The following F11 variants were observed in gnomAD, a reference collection of about 807,000 sequenced individuals.
The protein encoded by F11 is coagulation factor XI.
A neutral mutation model predicts 76.5 loss-of-function variants in F11; 78 were observed. The observed-to-expected ratio is 1.02, with a 90% CI of 0.85 to 1.23. The LOEUF is 1.23. Among genes scored for constraint, F11 ranks in the 50% most tolerant of loss-of-function variants. F11 has a pLI of 0.00. For missense variants in F11, 742 were observed against 771.4 expected (o/e 0.96, Z 0.45); for synonymous variants, 278 against 276.3 (o/e 1.01, Z -0.06).
In F11 at chr4:186,271,620, C is replaced by T. The variant is rs768409400; in HGVS notation, c.67C>T (p.Gln23Ter). Residue 23 changes from glutamine to a stop codon, truncating the protein, a stop_gained, in exon 3 of 15, where the codon CAG becomes TAG. Transcript: ENST00000403665. LOFTEE classifies it high-confidence loss of function. ...FTSVSGECVT[Q>*]LLKDTCFEGG... is the part of the protein sequence containing the mutation. ...GTACTACATCACAGAATGTGTGACT[C>T]AGTTGTTGAAGGACACCTGCTTTGA... The T allele has an allele frequency of 7.4e-6, 12 of 1,614,028 alleles. No individual in the cohort carries two copies. The highest frequency in any genetic ancestry group is 1.0e-5 in the Non-Finnish European group (12 of 1,180,026).
At chr4:186,276,132 A>G in intron 6 of F11, 99 bp from the exon 7 acceptor site, 1 of 1,373,852 alleles carries the variant, frequency 7.3e-7, no homozygotes, top group Non-Finnish European at 1.0e-6. Context: ...ATCTTGGGAT[A>G]CACTTAAATT....
At chr4:186,266,767 A>G (rs1207978063) in intron 1 of F11, among the ~76,000 whole-genome samples, 2 of 152,194 alleles carry the variant, frequency 1.3e-5, no homozygotes, top group Non-Finnish European at 2.9e-5. Flanking sequence ...AAAGAAAGAA[A>G]GGAAAAAAAT....
chr4:186,270,798 A>C (rs1004618190), intron 2 of F11, among the ~76,000 whole-genome samples: 1 of 151,502 alleles, frequency 6.6e-6, no homozygotes, highest in Admixed American at 6.6e-5. Context: ...GGCTCAGGAG[A>C]TCCTCCTACC....
At chr4:186,286,642 T>C (rs1741228355) in intron 13 of F11, 132 bp downstream of exon 13, 2 of 1,502,150 alleles carry the variant, frequency 1.3e-6, no homozygotes, top group Non-Finnish European at 8.9e-7. Context: ...TTAATAAAGA[T>C]GGAGAGGCAA....
chr4:186,285,151 T>C (rs994232346), intron 11 of F11, among the ~76,000 whole-genome samples: 1 of 152,154 alleles, frequency 6.6e-6, no homozygotes, highest in African/African-American at 2.4e-5. Context: ...GTGTGCTTTT[T>C]AGTTTTGGTT....
intron 10 of F11, among the ~76,000 whole-genome samples, chr4:186,280,988 C>T (rs2126761969): frequency 6.6e-6 from 1 of 151,810 alleles, no homozygotes. Context: ...CCTTAGCTCC[C>T]TGAGTAGCTG....
At chr4:186,278,791 T>C (rs917765226) in intron 7 of F11, among the ~76,000 whole-genome samples, 1 of 152,174 alleles carries the variant, frequency 6.6e-6, no homozygotes, top group African/African-American at 2.4e-5. Flanking sequence ...TGTGTTTAGG[T>C]GTCACCAATA....
chr4:186,274,634 A>G (rs1240808680), intron 5 of F11: 2 of 298,554 alleles, frequency 6.7e-6, no homozygotes, highest in Non-Finnish European at 1.3e-5. Flanking sequence ...ATAAAAACCT[A>G]CTCTCTCTCT....
chr4:186,273,697 C>T (rs1357586455), intron 4 of F11, among the ~76,000 whole-genome samples: 7 of 152,186 alleles, frequency 4.6e-5, no homozygotes, highest in African/African-American at 1.7e-4. Flanking sequence ...AAGTGATCTG[C>T]CCGCCTCGGC....
Position 186,271,784 on chromosome 4 carries a change from G to T in F11, c.218+13G>T. ...ATCCCACCCGATGGTAAATGCTTATGTTTCTACATCGAGGAGACAGATTTT... is the reference window on the plus strand; with the variant it reads ...ATCCCACCCGATGGTAAATGCTTATTTTTCTACATCGAGGAGACAGATTTT... On this transcript the variant is annotated intron_variant, in intron 3 of 14. Transcript: ENST00000403665. The T allele has an allele frequency of 6.2e-7, 1 of 1,614,056 alleles. No individual in the cohort carries two copies. Among genetic ancestry groups the T allele is most frequent in the Non-Finnish European group, 8.5e-7 (1 of 1,179,926 alleles).
intron 6 of F11, 90 bp from the exon 7 acceptor site, chr4:186,276,141 T>A: frequency 6.7e-7 from 1 of 1,481,746 alleles, no homozygotes; most frequent in African/African-American, 1.4e-5. Flanking sequence ...TACACTTAAA[T>A]TTTTTAATAT....
Position 186,288,691 on chromosome 4 carries a change from G to A in F11, c.*77G>A. 1.3e-6 allele frequency: 2 copies of A among 1,486,846 alleles called. No individual in the cohort carries two copies. Among genetic ancestry groups the A allele is most frequent in the South Asian group, 2.4e-5 (2 of 83,746 alleles). 92.1% of individuals were successfully genotyped at this position (1,486,846 alleles called of 1,614,324 possible). ...AGAGGGTGTTGAGTTCACTGTGCCA[G>A]CATGCTTCCTCCACAGTAACACGCT... On this transcript the variant is annotated 3_prime_UTR_variant, in exon 15 of 15. Coordinates refer to ENST00000403665, the MANE Select transcript of F11 (RefSeq NM_000128.4).
At chr4:186,278,457 T>C (rs1485251992) in intron 7 of F11, among the ~76,000 whole-genome samples, 1 of 152,210 alleles carries the variant, frequency 6.6e-6, no homozygotes, top group Admixed American at 6.5e-5. Flanking sequence ...GGGGATACCA[T>C]TTAGTGAACT....
intron 10 of F11, chr4:186,283,055 T>G (rs1031040194): frequency 8.1e-6 from 8 of 984,958 alleles, no homozygotes; most frequent in Non-Finnish European, 9.6e-6. Flanking sequence ...AGCCTGGTTA[T>G]TCTAAATGTG....
rs540939633 is a variant in F11, at chr4:186,283,048, C to T, written c.1136-1044C>T. 7.1e-6 allele frequency: 7 copies of T among 985,178 alleles called. No individual in the cohort carries two copies. In the South Asian group the frequency reaches 2.8e-4, roughly 40 times the overall value. 61.0% of individuals were successfully genotyped at this position (985,178 alleles called of 1,614,324 possible). A position where few individuals can be genotyped will look rare whatever the true frequency, so the allele number is the denominator to read the frequency against. Reference sequence around the variant, plus strand: ...CGCGGAGCCTTCTGAGCACCTGAGCCTGGTTATTCTAAATGTGATCTGGGC... The same window carrying T: ...CGCGGAGCCTTCTGAGCACCTGAGCTTGGTTATTCTAAATGTGATCTGGGC... On this transcript the variant is annotated intron_variant, in intron 10 of 14. Transcript: ENST00000403665.
At chr4:186,281,916 A>G (rs1740838632) in intron 10 of F11, 2 of 1,264,722 alleles carry the variant, frequency 1.6e-6, no homozygotes, top group East Asian at 5.8e-5. Context: ...ATCCTAACTA[A>G]CAGACTATGC....
rs1373928760 is a variant in F11, at chr4:186,273,085, T to C, written c.233T>C (p.Leu78Pro). 1.2e-6 allele frequency: 2 copies of C among 1,612,178 alleles called. No homozygotes were observed. Among genetic ancestry groups the C allele is most frequent in the South Asian group, 1.1e-5 (1 of 91,040 alleles). The change falls in exon 4 of 15, where the codon CTG becomes CCG. Residue 78 changes from leucine to proline, a missense_variant. Leu to Pro is a moderately conservative substitution (Grantham distance 98, BLOSUM62 -3). Transcript: ENST00000403665. ...EDPTRWFTCV[L>P]KDSVTETLPR... ...TAAAAAAACAGGTTTACTTGTGTCC[T>C]GAAAGACAGTGTTACAGAAACACTG...
intron 5 of F11, 44 bp downstream of exon 5, chr4:186,274,319 A>T (rs1351699645): frequency 1.2e-6 from 2 of 1,613,330 alleles, no homozygotes; most frequent in Non-Finnish European, 8.5e-7. Context: ...GAAAAACAGA[A>T]TCGTGATTTA....
chr4:186,275,087 T>C (rs568000138), intron 5 of F11: 2 of 431,068 alleles, frequency 4.6e-6, no homozygotes, highest in Non-Finnish European at 9.3e-6. Context: ...GTAAGGCTTA[T>C]CTTTAGCTCA....
Sources: allele counts gnomAD v4.1 joint callset (sites outside exome capture counted in the v4.1 genomes callset), GRCh38; gene constraint gnomAD v4.1.1; transcripts MANE v1.5; gene names NCBI Gene and HGNC (gene_info 2026-07-23, HGNC 2026-07-21).